The following COL17A1 variants were observed in gnomAD, a reference collection of about 807,000 sequenced individuals.
The protein encoded by COL17A1 is collagen type XVII alpha 1 chain.
Under a neutral mutation model 218.4 loss-of-function variants are expected in COL17A1, and 181 were observed. The observed-to-expected ratio is 0.83, with a 90% CI of 0.73 to 0.94. The LOEUF is 0.94. Ranked by LOEUF, COL17A1 falls within the 40% of genes least tolerant of loss-of-function variation. COL17A1 has a pLI of 0.00. For missense variants in COL17A1, 1,924 were observed against 1,945.9 expected (o/e 0.99, Z 0.21); for synonymous variants, 721 against 731.0 (o/e 0.99, Z 0.22).
intron 40 of COL17A1, 62 bp downstream of exon 40, chr10:104,040,289 C>A: frequency 8.1e-7 from 1 of 1,229,678 alleles, no homozygotes; most frequent in Non-Finnish European, 1.2e-6. Flanking sequence ...ACCCTCCTGG[C>A]AACCAGCAGG....
intron 39 of COL17A1, 145 bp downstream of exon 39, chr10:104,040,920 C>G (rs2086353046): frequency 2.1e-6 from 2 of 940,790 alleles, no homozygotes; most frequent in Admixed American, 1.9e-5. Context: ...GTGCAGCAAG[C>G]AGGAAGATTA....
chr10:104,034,600 C>T lies in COL17A1; in HGVS notation c.3766+21G>A, dbSNP rs772846091. ...AAGGCCTGCGGGGTGCCTGGTGGGG[C>T]ATCACCGTCGGGGCACCTACTTGTG... On this transcript the variant is annotated intron_variant, in intron 51 of 55. Transcript: ENST00000648076. 1.4e-5 allele frequency: 23 copies of T among 1,606,616 alleles called. No individual in the cohort carries two copies. In the Admixed American group the frequency reaches 3.2e-4, roughly 22 times the overall value.
chr10:104,040,498 A>C (rs2086347530), intron 39 of COL17A1, 88 bp from the exon 40 acceptor site: 1 of 863,074 alleles, frequency 1.2e-6, no homozygotes, highest in African/African-American at 1.6e-5. Flanking sequence ...ATAGATGCTC[A>C]ATCAATACTT....
chr10:104,046,785 C>T lies in COL17A1; in HGVS notation c.2336-12G>A, dbSNP rs975155526. Reference sequence around the variant, plus strand: ...GGGTCCTGTGAGACCTGCAGAAAATCAGACACAAGAGGGAAGAGTTGAAGG... The same window carrying T: ...GGGTCCTGTGAGACCTGCAGAAAATTAGACACAAGAGGGAAGAGTTGAAGG... On this transcript the variant is annotated splice_polypyrimidine_tract_variant and intron_variant, in intron 31 of 55. Transcript: ENST00000648076. The T allele has an allele frequency of 1.9e-6, 3 of 1,613,648 alleles. No homozygotes were observed. The African/African-American group carries it at 4.0e-5, about 22-fold the overall frequency.
intron 30 of COL17A1, 109 bp from the exon 31 acceptor site, chr10:104,047,919 G>A (rs1350491904): frequency 7.3e-7 from 1 of 1,367,806 alleles, no homozygotes; most frequent in Non-Finnish European, 1.0e-6. Flanking sequence ...CTTGCTGGCA[G>A]GTGGAAAGGA....
chr10:104,079,698 C>A (rs988577452), intron 2 of COL17A1, among the ~76,000 whole-genome samples: 1 of 152,090 alleles, frequency 6.6e-6, no homozygotes, highest in Non-Finnish European at 1.5e-5. Context: ...GAGGCCGAGG[C>A]GGGCAGATCA....
chr10:104,065,558 C>A (rs570070680), intron 9 of COL17A1, among the ~76,000 whole-genome samples: 1 of 152,314 alleles, frequency 6.6e-6, no homozygotes, highest in Admixed American at 6.5e-5. Flanking sequence ...TTCCTCAATG[C>A]CTGGTGCTTG....
In COL17A1 at chr10:104,040,388, T is replaced by A. The variant is rs2086346490; in HGVS notation, c.2724A>T (p.Pro908=). ...SNSETFLSGP[P]GPPGPPGPKG... ...TGGGACCTGGGGGGCCAGGTGGGCCTGGGGGGCCGGAGAGGAAGGTTTCTG... is the reference window on the plus strand; with the variant it reads ...TGGGACCTGGGGGGCCAGGTGGGCCAGGGGGGCCGGAGAGGAAGGTTTCTG... The change falls in exon 40 of 56, where the codon CCA becomes CCT. Residue 908 remains proline, a synonymous_variant. Coordinates refer to ENST00000648076, the MANE Select transcript of COL17A1 (RefSeq NM_000494.4). 6.2e-7 allele frequency: 1 copy of A among 1,611,408 alleles called. No individual in the cohort carries two copies. Among genetic ancestry groups the A allele is most frequent in the South Asian group, 1.1e-5 (1 of 91,018 alleles).
At chr10:104,077,393 C>T in intron 4 of COL17A1, 29 bp downstream of exon 4, 4 of 1,568,516 alleles carry the variant, frequency 2.6e-6, no homozygotes, top group Non-Finnish European at 3.5e-6. Flanking sequence ...CCCATTCTTC[C>T]CTGACCTCTT....
At chr10:104,040,997 C>G in intron 39 of COL17A1, 68 bp downstream of exon 39, 1 of 1,568,218 alleles carries the variant, frequency 6.4e-7, no homozygotes, top group Non-Finnish European at 8.8e-7. Flanking sequence ...CACAAGGCTA[C>G]GGCCACAGTC....
Position 104,034,139 on chromosome 10 carries a change from A to G in COL17A1, c.3962T>C (p.Leu1321Pro). 6.2e-7 allele frequency: 1 copy of G among 1,613,954 alleles called. No individual in the cohort carries two copies. Among genetic ancestry groups the G allele is most frequent in the Non-Finnish European group, 8.5e-7 (1 of 1,180,012 alleles). ...TTCACCAAAGGCACCGCCTGCACCC[A>G]GGGAGCCTGCACCACCTCCTCCTGT... ...MSTGGGGAGSLGAGGAFGEAA... is the reference protein window; with the variant it reads ...MSTGGGGAGSPGAGGAFGEAA... Residue 1321 changes from leucine (L) to proline (P), a missense_variant, in exon 52 of 56, where the codon CTG becomes CCG. By Grantham distance (98) the Leu-to-Pro change is moderately conservative (BLOSUM62 -3). Coordinates refer to ENST00000648076, the MANE Select transcript of COL17A1 (RefSeq NM_000494.4).
intron 9 of COL17A1, among the ~76,000 whole-genome samples, 156 bp downstream of exon 9, chr10:104,070,270 A>G (rs900206978): frequency 5.3e-5 from 8 of 152,220 alleles, no homozygotes; most frequent in Non-Finnish European, 1.5e-5. Context: ...ACAGGTTGCT[A>G]TTAGGGAAAG....
At position 104,035,347 on chromosome 10, in the gene COL17A1, G is replaced by A. The variant is rs1160360112; in HGVS notation, c.3535C>T (p.Pro1179Ser). The A allele has an allele frequency of 1.2e-6, 2 of 1,614,220 alleles. No homozygotes were observed. Residue 1179 changes from proline to serine, a missense_variant, in exon 50 of 56, where the codon CCC becomes TCC. Coordinates refer to ENST00000648076, the MANE Select transcript of COL17A1 (RefSeq NM_000494.4). ...CCTGGTGGACCCGGGGGACCTGGGG[G>A]TCCAACGATGCCTCTGAATTCAGAC... ...RGSEFRGIVG[P>S]PGPPGPPGIP...
Position 104,055,884 on chromosome 10 carries a change from G to C in COL17A1, c.1585C>G (p.Pro529Ala). The change falls in exon 18 of 56, where the codon CCC (proline) becomes GCC (alanine). Residue 529 changes from proline to alanine, a missense_variant. Coordinates refer to ENST00000648076, the MANE Select transcript of COL17A1 (RefSeq NM_000494.4). ...IEKDRLQGMAPAAGADLDKIG... is the reference protein window; with the variant it reads ...IEKDRLQGMAAAAGADLDKIG... ...TTGTCCAGGTCTGCTCCCGCCGCGGGTGCCATGCCCTGGAGGCGGTCCTTT... is the reference window on the plus strand; with the variant it reads ...TTGTCCAGGTCTGCTCCCGCCGCGGCTGCCATGCCCTGGAGGCGGTCCTTT... 1 of 1,614,182 alleles carries C rather than the reference G, an allele frequency of 6.2e-7. No homozygotes were observed. Among genetic ancestry groups the C allele is most frequent in the Non-Finnish European group, 8.5e-7 (1 of 1,180,040 alleles).
rs752418541 is a variant in COL17A1, at chr10:104,034,205, G to A, written c.3896C>T (p.Ser1299Leu). 3 of 1,613,076 alleles carry A rather than the reference G, an allele frequency of 1.9e-6. No homozygotes were observed. The highest frequency in any genetic ancestry group is 2.5e-6 in the Non-Finnish European group (3 of 1,179,920). ...GTAGGAGCTGCCCCGCCTGACAGAT[G>A]AGCTGTGTGAGGAGGAGCTGCTACC... ...SRGSSSSSHS[S>L]SVRRGSSYSS... The change falls in exon 52 of 56, where the codon TCA becomes TTA. Residue 1299 changes from serine (S) to leucine (L), a missense_variant. By Grantham distance (145) the Ser-to-Leu change is moderately radical. Coordinates refer to ENST00000648076, the MANE Select transcript of COL17A1 (RefSeq NM_000494.4).
At chr10:104,076,522 C>G (rs887537196) in intron 4 of COL17A1, 93 bp from the exon 5 acceptor site, 6 of 1,575,770 alleles carry the variant, frequency 3.8e-6, no homozygotes. Flanking sequence ...CAAGTACACT[C>G]AGGGAGGGTC....
intron 23 of COL17A1, among the ~76,000 whole-genome samples, 177 bp downstream of exon 23, chr10:104,052,854 G>T (rs527852886): frequency 7.2e-5 from 11 of 152,314 alleles, no homozygotes; most frequent in Non-Finnish European, 1.2e-4. Flanking sequence ...TGGCCCTGTA[G>T]CCCAGCCTAT....
intron 12 of COL17A1, 131 bp downstream of exon 12, chr10:104,062,127 T>C (rs1428046858): frequency 1.8e-5 from 25 of 1,376,558 alleles, no homozygotes; most frequent in Non-Finnish European, 2.5e-5. Context: ...GATTGATATC[T>C]TGAGTGTTGT....
intron 44 of COL17A1, 118 bp downstream of exon 44, chr10:104,038,953 A>G: frequency 8.4e-7 from 1 of 1,184,050 alleles, no homozygotes; most frequent in South Asian, 1.2e-5. Flanking sequence ...TGGAGAAGAC[A>G]GCCAATCAAC....
Sources: gnomAD v4.1 joint callset for allele counts (sites outside exome capture counted in the v4.1 genomes callset) on GRCh38, gnomAD v4.1.1 for gene constraint, MANE v1.5 for transcripts, NCBI Gene and HGNC (gene_info 2026-07-23, HGNC 2026-07-21) for gene names.